RERE: variants seen among roughly 807,000 people sequenced by gnomAD.
RERE encodes the protein arginine-glutamic acid dipeptide repeats.
RERE carries 40 observed loss-of-function variants against 146.1 expected under a neutral mutation model. The ratio of observed to expected loss-of-function variants is 0.27; its 90% CI spans 0.21 to 0.36. The LOEUF (loss-of-function observed/expected upper bound fraction) is 0.36. RERE is among the 10% of genes least tolerant of loss of function. RERE has a pLI of 1.00. For synonymous variants in RERE, 1,003 were observed against 866.0 expected (o/e 1.16, Z -2.78); for missense variants, 1,933 against 2,138.7 (o/e 0.90, Z 1.90).
chr1:8,811,846 A>G (rs1474803848), intron 1 of RERE, among the ~76,000 whole-genome samples: 1 of 152,148 alleles, frequency 6.6e-6, no homozygotes, highest in East Asian at 1.9e-4. Flanking sequence ...TTGGGGTGGT[A>G]TATTTATTGC....
intron 1 of RERE, among the ~76,000 whole-genome samples, chr1:8,691,117 C>T (rs984836736): frequency 7.9e-5 from 12 of 152,054 alleles, no homozygotes; most frequent in Non-Finnish European, 1.5e-4. Flanking sequence ...AGGATGGTCT[C>T]GATCTCTTGA....
intron 5 of RERE, among the ~76,000 whole-genome samples, chr1:8,557,184 G>A (rs1165445705): frequency 3.9e-5 from 6 of 152,148 alleles, no homozygotes; most frequent in Non-Finnish European, 7.3e-5. Flanking sequence ...ACAATGCATG[G>A]CCCCAGCAAC....
At chr1:8,402,334 G>A (rs772515667) in intron 12 of RERE, among the ~76,000 whole-genome samples, 1 of 152,178 alleles carries the variant, frequency 6.6e-6, no homozygotes. Flanking sequence ...TGGCAGAAAT[G>A]TGAGTAAAGA....
intron 4 of RERE, 40 bp from the exon 5 acceptor site, chr1:8,557,563 A>C (rs1460792563): frequency 7.2e-7 from 1 of 1,387,518 alleles, no homozygotes; most frequent in South Asian, 1.2e-5. Flanking sequence ...ACAGGATTTC[A>C]GGTGGCCACA....
intron 12 of RERE, among the ~76,000 whole-genome samples, chr1:8,384,223 TG>T (rs1319677431): frequency 6.6e-6 from 1 of 152,188 alleles, no homozygotes; most frequent in Non-Finnish European, 1.5e-5. Context: ...GCTGTGTGAC[TG>T]GGAACATGTA....
chr1:8,719,735 T>G (rs1052779833), intron 1 of RERE, among the ~76,000 whole-genome samples: 1 of 152,184 alleles, frequency 6.6e-6, no homozygotes, highest in African/African-American at 2.4e-5. Flanking sequence ...GGTTAAAAAC[T>G]GTCACATTTT....
intron 1 of RERE, among the ~76,000 whole-genome samples, chr1:8,794,564 G>T (rs1489156833): frequency 6.6e-6 from 1 of 151,868 alleles, no homozygotes; most frequent in Non-Finnish European, 1.5e-5. Flanking sequence ...TGTATTTACA[G>T]ATTTCTGGGA....
At chr1:8,736,114 G>A (rs1426532583) in intron 1 of RERE, among the ~76,000 whole-genome samples, 1 of 152,210 alleles carries the variant, frequency 6.6e-6, no homozygotes, top group African/African-American at 2.4e-5. Context: ...AAATGCAACT[G>A]TAGAATCTAA....
At chr1:8,528,693 C>T (rs985296388) in intron 7 of RERE, among the ~76,000 whole-genome samples, 1 of 151,984 alleles carries the variant, frequency 6.6e-6, no homozygotes, top group Non-Finnish European at 1.5e-5. Flanking sequence ...ATAGAATAAG[C>T]AAATATTCCA....
chr1:8,506,184 A>T (rs1482758738), intron 8 of RERE, among the ~76,000 whole-genome samples: 1 of 152,220 alleles, frequency 6.6e-6, no homozygotes, highest in Admixed American at 6.5e-5. Context: ...TGGGAGACGA[A>T]ACTGAGTGGC....
intron 1 of RERE, among the ~76,000 whole-genome samples, chr1:8,658,470 T>C (rs1308422286): frequency 6.6e-6 from 1 of 152,148 alleles, no homozygotes; most frequent in Non-Finnish European, 1.5e-5. Context: ...AAAATTCTCT[T>C]TGGTCAGCCA....
chr1:8,603,153 C>T (rs1646654446), intron 4 of RERE, among the ~76,000 whole-genome samples: 2 of 152,234 alleles, frequency 1.3e-5, no homozygotes, highest in Admixed American at 1.3e-4. Flanking sequence ...TTTGGAATTA[C>T]ATGTTTTACA....
At chr1:8,485,259 G>A (rs1294593260) in intron 10 of RERE, among the ~76,000 whole-genome samples, 1 of 152,136 alleles carries the variant, frequency 6.6e-6, no homozygotes, top group Non-Finnish European at 1.5e-5. Flanking sequence ...TACTTGGGAG[G>A]CTGAGGCAGG....
intron 10 of RERE, among the ~76,000 whole-genome samples, chr1:8,487,450 A>G (rs1644917106): frequency 6.6e-6 from 1 of 152,062 alleles, no homozygotes; most frequent in Non-Finnish European, 1.5e-5. Flanking sequence ...ATGATGGTGT[A>G]CCCTGTAGTC....
rs943293868 is a variant in RERE at position 8,353,766 on chromosome 1, G to A, written c.*1321C>T. On this transcript the variant is annotated 3_prime_UTR_variant, in exon 23 of 23. Transcript: ENST00000400908. Reference sequence around the variant, plus strand: ...CCAGGATGAAGAGTGGGACTCAAATGGTTTACCAGTGCAATGTGGGGTCAC... The same window carrying A: ...CCAGGATGAAGAGTGGGACTCAAATAGTTTACCAGTGCAATGTGGGGTCAC... The A allele has an allele frequency of 6.6e-6, 1 of 152,310 alleles. No homozygotes were observed. Among genetic ancestry groups the A allele is most frequent in the Admixed American group, 6.5e-5 (1 of 15,274 alleles). The allele number at this position is 152,310 out of a possible 1,614,324, so 9.4% of individuals were successfully genotyped here. A position where few individuals can be genotyped will look rare whatever the true frequency, so the allele number is the denominator to read the frequency against.
intron 11 of RERE, among the ~76,000 whole-genome samples, chr1:8,454,838 C>A (rs112335280): frequency 1.2e-3 from 180 of 147,998 alleles, no homozygotes; most frequent in African/African-American, 3.4e-3. Flanking sequence ...AAAAAAAAAC[C>A]CCCACAAAAC....
At chr1:8,369,032 CA>C (rs547497671) in intron 12 of RERE, among the ~76,000 whole-genome samples, 2 of 152,050 alleles carry the variant, frequency 1.3e-5, no homozygotes, top group Admixed American at 6.6e-5. Flanking sequence ...CCAATCTCTA[CA>C]AAAAAGTTTA....
At chr1:8,429,450 G>A (rs770972146) in intron 11 of RERE, among the ~76,000 whole-genome samples, 7 of 152,086 alleles carry the variant, frequency 4.6e-5, no homozygotes, top group Admixed American at 6.5e-5. Flanking sequence ...GGTAAGGTGT[G>A]CAAATTCCCC....
intron 3 of RERE, among the ~76,000 whole-genome samples, chr1:8,621,553 G>T (rs553657783): frequency 6.6e-6 from 1 of 151,978 alleles, no homozygotes; most frequent in Non-Finnish European, 1.5e-5. Flanking sequence ...ATTTCACCAC[G>T]GCAAAGGGAT....
Sources: allele counts gnomAD v4.1 joint callset (sites outside exome capture counted in the v4.1 genomes callset), GRCh38; gene constraint gnomAD v4.1.1; transcripts MANE v1.5; gene names NCBI Gene and HGNC (gene_info 2026-07-23, HGNC 2026-07-21).